Variants in PARD3B observed in about 807,000 individuals in gnomAD.
PARD3B encodes the protein par-3 family cell polarity regulator beta.
In PARD3B, 103 loss-of-function variants were observed where a neutral mutation model predicts 130.2. That is an observed-to-expected ratio of 0.79 (90% CI 0.67 to 0.93). The LOEUF (loss-of-function observed/expected upper bound fraction) is 0.93, where lower values mean the gene tolerates loss of function less well. Ranked by LOEUF, PARD3B falls within the 40% of genes least tolerant of loss-of-function variation. The pLI is 0.00. For synonymous variants in PARD3B, 583 were observed against 553.2 expected, an observed-to-expected ratio of 1.05 and a Z score of -0.76; for missense variants, 1,609 against 1,499.2, an observed-to-expected ratio of 1.07 and a Z score of -1.21.
chr2:204,750,846 T>C (rs2040438310), intron 2 of PARD3B, among the ~76,000 whole-genome samples: 1 of 152,204 alleles, frequency 6.6e-6, no homozygotes, highest in Admixed American at 6.5e-5. Flanking sequence ...AATATCTTCA[T>C]CAGATTTAAA....
rs139877223 is a variant in PARD3B, at chr2:205,176,423, A to G, written c.1792-22A>G. The G allele has an allele frequency of 8.7e-3, 13,804 of 1,578,826 alleles. 86 individuals carry two copies. The highest frequency in any genetic ancestry group is 0.011 in the Non-Finnish European group (12,565 of 1,166,594). On this transcript the variant is annotated intron_variant, in intron 12 of 22. Transcript: ENST00000406610. The surrounding 1 kb of genome is among the most constrained non-coding windows in gnomAD (Gnocchi z 5.3). ...TGGAACATATTAAAAATGCAAATGT[A>G]ATTTTTACTTTTATCTCTTAGGATC...
chr2:205,012,895 A>G (rs1695834151), intron 3 of PARD3B, among the ~76,000 whole-genome samples: 1 of 152,368 alleles, frequency 6.6e-6, no homozygotes, highest in East Asian at 1.9e-4. Context: ...CACATGAGAA[A>G]CTGTCCTGAA....
chr2:204,730,480 T>C (rs2039457689), intron 2 of PARD3B, among the ~76,000 whole-genome samples: 1 of 151,566 alleles, frequency 6.6e-6, no homozygotes, highest in South Asian at 2.1e-4. Flanking sequence ...AAGGTTCAAA[T>C]TGATGTTAGA....
At chr2:204,888,175 T>A (rs1300666752) in intron 2 of PARD3B, among the ~76,000 whole-genome samples, 3 of 152,098 alleles carry the variant, frequency 2.0e-5, no homozygotes, top group Non-Finnish European at 2.9e-5. Context: ...TTTCTAGAAA[T>A]CTATGTGGAA....
intron 19 of PARD3B, among the ~76,000 whole-genome samples, chr2:205,410,265 A>G (rs976013591): frequency 6.6e-6 from 1 of 152,084 alleles, no homozygotes; most frequent in Non-Finnish European, 1.5e-5. Flanking sequence ...GGGATGCTCA[A>G]CCTATACAGA....
chr2:205,490,658 C>G (rs955767117), intron 20 of PARD3B, among the ~76,000 whole-genome samples: 69 of 152,274 alleles, frequency 4.5e-4, no homozygotes, highest in Admixed American at 3.6e-3. Context: ...AATGGTATTT[C>G]TAGTTCTAGA....
intron 3 of PARD3B, among the ~76,000 whole-genome samples, chr2:205,027,837 G>T (rs1697142718): frequency 6.6e-6 from 1 of 151,998 alleles, no homozygotes; most frequent in Non-Finnish European, 1.5e-5. Flanking sequence ...TCCCCATTTT[G>T]CATTCTTGGC....
chr2:205,084,203 TG>T (rs1228292195), intron 4 of PARD3B, among the ~76,000 whole-genome samples: 2 of 152,170 alleles, frequency 1.3e-5, no homozygotes, highest in South Asian at 4.1e-4. Flanking sequence ...ATTGTTTTTC[TG>T]TTTTTTATCT....
chr2:205,172,125 T>A (rs973981069), intron 11 of PARD3B, 86 bp from the exon 12 acceptor site: 2 of 1,377,676 alleles, frequency 1.5e-6, no homozygotes, highest in African/African-American at 1.5e-5. Context: ...TTTTTTCATT[T>A]TTAAACTTGA....
Position 204,678,533 on chromosome 2 carries a change from G to T in PARD3B, c.121-7648G>T, listed in dbSNP as rs930222743. 1.3e-5 allele frequency among the ~76,000 whole-genome samples: 2 copies of T among 152,120 alleles called. No individual in the cohort carries two copies. The highest frequency in any genetic ancestry group is 2.4e-5 in the African/African-American group (1 of 41,408). ...AAAGGAGCTAGAGCGGGGATGGTGCGGGAAGAAAGTAGTCTTTCCTTGAAG... is the reference window on the plus strand; with the variant it reads ...AAAGGAGCTAGAGCGGGGATGGTGCTGGAAGAAAGTAGTCTTTCCTTGAAG... On this transcript the variant is annotated intron_variant, in intron 1 of 22. Coordinates refer to ENST00000406610, the MANE Select transcript of PARD3B (RefSeq NM_001302769.2). The surrounding 1 kb of genome is among the most constrained non-coding windows in gnomAD (Gnocchi z 4.2).
chr2:205,346,374 C>T (rs2043792060), intron 18 of PARD3B, among the ~76,000 whole-genome samples: 1 of 151,940 alleles, frequency 6.6e-6, no homozygotes, highest in South Asian at 2.1e-4. Flanking sequence ...CTTGCCTCCC[C>T]ACAGCTGAGG....
At chr2:205,290,435 T>A (rs1437408416) in intron 16 of PARD3B, among the ~76,000 whole-genome samples, 2 of 152,140 alleles carry the variant, frequency 1.3e-5, no homozygotes, top group East Asian at 1.9e-4. Flanking sequence ...CCTTGCCAAG[T>A]CAATAGGATG....
chr2:204,964,836 A>C (rs1691085998), intron 2 of PARD3B, among the ~76,000 whole-genome samples: 1 of 152,072 alleles, frequency 6.6e-6, no homozygotes, highest in Admixed American at 6.6e-5. Context: ...CATTTTAGGC[A>C]TTTTAGGGAA....
At chr2:204,994,544 A>C (rs1285218708) in intron 3 of PARD3B, among the ~76,000 whole-genome samples, 4 of 144,126 alleles carry the variant, frequency 2.8e-5, no homozygotes, top group Non-Finnish European at 4.6e-5. Flanking sequence ...TGCTGAAAAA[A>C]ATGTATATTC....
chr2:204,811,074 C>G (rs2042944047), intron 2 of PARD3B, among the ~76,000 whole-genome samples: 1 of 152,098 alleles, frequency 6.6e-6, no homozygotes, highest in African/African-American at 2.4e-5. Context: ...TCCATCTCTT[C>G]TAGGTTTTCT....
At chr2:205,419,942 G>A (rs1428428433) in intron 19 of PARD3B, among the ~76,000 whole-genome samples, 2 of 152,162 alleles carry the variant, frequency 1.3e-5, no homozygotes, top group African/African-American at 4.8e-5. Context: ...CAGTGAATGT[G>A]GCTAAAGCAA....
At chr2:204,845,932 A>G (rs1446411854) in intron 2 of PARD3B, among the ~76,000 whole-genome samples, 1 of 152,136 alleles carries the variant, frequency 6.6e-6, no homozygotes, top group African/African-American at 2.4e-5. Flanking sequence ...TCTGTATATG[A>G]TGAAACACCA....
intron 1 of PARD3B, among the ~76,000 whole-genome samples, chr2:204,593,537 A>T (rs1354906096): frequency 6.6e-6 from 1 of 152,174 alleles, no homozygotes; most frequent in African/African-American, 2.4e-5. Flanking sequence ...CTCTCCCAAG[A>T]CTAACTAATA....
chr2:204,681,372 A>G (rs1375684436), intron 1 of PARD3B, among the ~76,000 whole-genome samples: 1 of 152,086 alleles, frequency 6.6e-6, no homozygotes, highest in East Asian at 1.9e-4. Context: ...GTTACTTTCA[A>G]CCCAGCATAA....
Sources: gnomAD v4.1 joint callset for allele counts (sites outside exome capture counted in the v4.1 genomes callset) on GRCh38, gnomAD v4.1.1 for gene constraint, Gnocchi (gnomAD v3.1) non-coding constraint, MANE v1.5 for transcripts, NCBI Gene and HGNC (gene_info 2026-07-23, HGNC 2026-07-21) for gene names.